CBFA2T3: variants seen among roughly 807,000 people sequenced by gnomAD.
CBFA2T3 encodes transcriptional corepressor CBFA2T3.
Under a neutral mutation model 58.6 loss-of-function variants are expected in CBFA2T3, and 31 were observed. The ratio of observed to expected loss-of-function variants is 0.53; its 90% CI spans 0.40 to 0.71. The LOEUF (loss-of-function observed/expected upper bound fraction) is 0.71, where lower values mean the gene tolerates loss of function less well. Ranked by LOEUF, CBFA2T3 falls within the 30% of genes least tolerant of loss-of-function variation. The pLI, the probability that CBFA2T3 is intolerant of heterozygous loss-of-function variation, is 0.00. For synonymous variants in CBFA2T3, 531 were observed against 421.9 expected, an observed-to-expected ratio of 1.26 and a Z score of -3.17; for missense variants, 1,076 against 963.1, an observed-to-expected ratio of 1.12 and a Z score of -1.55.
intron 11 of CBFA2T3, among the ~76,000 whole-genome samples, chr16:88,877,765 C>T (rs993349439): frequency 1.3e-5 from 2 of 152,134 alleles, no homozygotes; most frequent in Non-Finnish European, 2.9e-5. Flanking sequence ...GTGAGTTGTG[C>T]CCTAGGCATC....
chr16:88,969,425 G>C (rs1487577786), intron 1 of CBFA2T3, among the ~76,000 whole-genome samples: 1 of 152,210 alleles, frequency 6.6e-6, no homozygotes, highest in African/African-American at 2.4e-5. Context: ...CCAGCTGCGG[G>C]GGTCGCAAGA....
chr16:88,882,563 G>A, intron 8 of CBFA2T3, 113 bp downstream of exon 8: 1 of 760,810 alleles, frequency 1.3e-6, no homozygotes, highest in Non-Finnish European at 2.2e-6. Flanking sequence ...GCTGTGTGTG[G>A]GCATGGCTGT....
intron 1 of CBFA2T3, among the ~76,000 whole-genome samples, chr16:88,917,898 A>G (rs1036345905): frequency 6.6e-6 from 1 of 151,718 alleles, no homozygotes; most frequent in African/African-American, 2.4e-5. Context: ...GTGTGGGGTC[A>G]CAATCCCCTC....
intron 1 of CBFA2T3, among the ~76,000 whole-genome samples, chr16:88,932,148 G>C (rs1346231658): frequency 6.6e-6 from 1 of 150,716 alleles, no homozygotes; most frequent in African/African-American, 2.5e-5. Context: ...AAGACAGCCT[G>C]CCAGGTGGCC....
At position 88,898,142 on chromosome 16, in the gene CBFA2T3, G is replaced by C; in HGVS notation, c.315C>G (p.Asp105Glu). 6.2e-7 allele frequency: 1 copy of C among 1,611,702 alleles called. No individual in the cohort carries two copies. Among genetic ancestry groups the C allele is most frequent in the Non-Finnish European group, 8.5e-7 (1 of 1,178,684 alleles). The change falls in exon 3 of 12, where the codon GAC (aspartate) becomes GAG (glutamate). Residue 105 changes from aspartate to glutamate, a missense_variant. Physicochemically the swap from Asp to Glu is conservative, Grantham distance 45. Coordinates refer to ENST00000268679, the MANE Select transcript of CBFA2T3 (RefSeq NM_005187.6). ...GGCCGTGGGGCAGCGTCGCAGGCCC[G>C]TCCTCTCGATCTGTAAGCAAAATAA... ...PSFTPHTHREDGPATLPHGRF... is the reference protein window; with the variant it reads ...PSFTPHTHREEGPATLPHGRF...
At chr16:88,967,444 TCA>T (rs1278892628) in intron 1 of CBFA2T3, among the ~76,000 whole-genome samples, 3 of 151,842 alleles carry the variant, frequency 2.0e-5, no homozygotes, top group African/African-American at 4.8e-5. Flanking sequence ...TGTTCAGTTT[TCA>T]CAGATGTGCC....
At chr16:88,929,943 T>G (rs549437733) in intron 1 of CBFA2T3, among the ~76,000 whole-genome samples, 1 of 147,230 alleles carries the variant, frequency 6.8e-6, no homozygotes, top group South Asian at 2.1e-4. Context: ...TACCCACAGC[T>G]GCATGGTCCA....
intron 1 of CBFA2T3, among the ~76,000 whole-genome samples, chr16:88,974,431 A>C (rs1597805608): frequency 3.9e-5 from 6 of 152,068 alleles, no homozygotes; most frequent in Admixed American, 3.9e-4. Flanking sequence ...CTCTGTGGCC[A>C]TCTTCTGATT....
At chr16:88,902,991 A>C (rs7204614) in intron 1 of CBFA2T3, among the ~76,000 whole-genome samples, 1 of 151,624 alleles carries the variant, frequency 6.6e-6, no homozygotes, top group East Asian at 2.0e-4. Context: ...GTTAACACCT[A>C]TGGGTCTCAC....
intron 1 of CBFA2T3, among the ~76,000 whole-genome samples, chr16:88,915,398 G>A (rs1255867730): frequency 2.3e-5 from 2 of 87,304 alleles, no homozygotes; most frequent in African/African-American, 4.9e-5. Context: ...GCATGGAGGG[G>A]GGAGCGTGGA....
At chr16:88,901,140 C>T (rs952413252) in intron 2 of CBFA2T3, among the ~76,000 whole-genome samples, 2 of 152,394 alleles carry the variant, frequency 1.3e-5, no homozygotes, top group East Asian at 1.9e-4. Flanking sequence ...GCCTGGCATT[C>T]CTAGGCCTGC....
chr16:88,957,380 G>T (rs573684816), intron 1 of CBFA2T3, among the ~76,000 whole-genome samples: 1 of 152,210 alleles, frequency 6.6e-6, no homozygotes, highest in Admixed American at 6.5e-5. Flanking sequence ...AGCACTCTCC[G>T]TGGGGCTGTC....
Position 88,879,366 on chromosome 16 carries a change from C to A in CBFA2T3, c.1566G>T (p.Thr522=). 1 of 1,613,082 alleles carries A rather than the reference C, an allele frequency of 6.2e-7. No individual in the cohort carries two copies. The highest frequency in any genetic ancestry group is 1.3e-5 in the African/African-American group (1 of 75,032). The stretch of plus-strand genomic sequence containing the variant: ...GGGCCCGCTCCATCTTGGCACGCTC[C>A]GTGGTGATGAGCTCGTGCGCTTTGC... ...AERKAHELIT[T]ERAKMERALA... is the part of the protein sequence containing the mutation. The change falls in exon 11 of 12, where the codon ACG becomes ACT. Residue 522 remains threonine (T), a synonymous_variant. Coordinates refer to ENST00000268679, the MANE Select transcript of CBFA2T3 (RefSeq NM_005187.6).
intron 1 of CBFA2T3, among the ~76,000 whole-genome samples, chr16:88,957,198 G>A (rs59414599): frequency 0.027 from 4,039 of 152,194 alleles, 187 homozygotes; most frequent in African/African-American, 0.093. Context: ...CCCACTCCCC[G>A]GCATCTTCCC....
intron 1 of CBFA2T3, among the ~76,000 whole-genome samples, chr16:88,975,677 G>A (rs1972838948): frequency 6.6e-6 from 1 of 152,278 alleles, no homozygotes; most frequent in Non-Finnish European, 1.5e-5. Context: ...TGCATTCCGG[G>A]CACCCGGGGT....
intron 1 of CBFA2T3, among the ~76,000 whole-genome samples, chr16:88,911,244 G>A (rs943769908): frequency 6.6e-6 from 1 of 152,240 alleles, no homozygotes. Context: ...AGGCCTGTGG[G>A]TGATGACGAT....
intron 10 of CBFA2T3, among the ~76,000 whole-genome samples, chr16:88,880,225 C>CCCT (rs1969012592): frequency 1.4e-5 from 2 of 146,282 alleles, no homozygotes; most frequent in Admixed American, 1.3e-4. Flanking sequence ...TACCGCTGCC[C>CCCT]AACCCTAACC....
chr16:88,876,147 C>T lies in CBFA2T3; in HGVS notation c.*829G>A, dbSNP rs1968821505. 1.3e-5 allele frequency: 3 copies of T among 232,426 alleles called. No homozygotes were observed. The highest frequency in any genetic ancestry group is 1.7e-5 in the Non-Finnish European group (2 of 117,312). 14.4% of individuals were successfully genotyped at this position (232,426 alleles called of 1,614,324 possible). A position where few individuals can be genotyped will look rare whatever the true frequency, so the allele number is the denominator to read the frequency against. On this transcript the variant is annotated 3_prime_UTR_variant, in exon 12 of 12. Coordinates refer to ENST00000268679, the MANE Select transcript of CBFA2T3 (RefSeq NM_005187.6). ...TTTGGATTTTGATTTCTTGTGTTTG[C>T]TTTTTTGGATTTCCTTTGGAGCAGA...
chr16:88,904,431 G>A (rs1459193251), intron 1 of CBFA2T3, among the ~76,000 whole-genome samples: 3 of 152,224 alleles, frequency 2.0e-5, no homozygotes, highest in African/African-American at 7.2e-5. Flanking sequence ...GCTGCGGGCC[G>A]GGATCGGAAC....
Sources: allele counts gnomAD v4.1 joint callset (sites outside exome capture counted in the v4.1 genomes callset), GRCh38; gene constraint gnomAD v4.1.1; transcripts MANE v1.5; gene names NCBI Gene and HGNC (gene_info 2026-07-23, HGNC 2026-07-21).